The following MTCL1 variants were observed in gnomAD, a reference collection of about 807,000 sequenced individuals.
The protein encoded by MTCL1 is microtubule cross-linking factor 1.
Under a neutral mutation model 141.4 loss-of-function variants are expected in MTCL1, and 79 were observed. The observed-to-expected ratio is 0.56, with a 90% CI of 0.47 to 0.67. MTCL1 has a LOEUF of 0.67. Ranked by LOEUF, MTCL1 falls within the 30% of genes least tolerant of loss-of-function variation. MTCL1 has a pLI of 0.00. For missense variants in MTCL1, 2,177 were observed against 2,113.9 expected, an observed-to-expected ratio of 1.03 and a Z score of -0.59; for synonymous variants, 914 against 875.8, an observed-to-expected ratio of 1.04 and a Z score of -0.77.
chr18:8,808,807 G>A (rs2076386748), intron 11 of MTCL1, among the ~76,000 whole-genome samples: 1 of 152,156 alleles, frequency 6.6e-6, no homozygotes, highest in South Asian at 2.1e-4. Context: ...TTCCTTGAAG[G>A]GGTTCTCAGT....
chr18:8,795,006 C>T (rs183525763), intron 8 of MTCL1, among the ~76,000 whole-genome samples: 50 of 152,320 alleles, frequency 3.3e-4, no homozygotes, highest in African/African-American at 1.1e-3. Flanking sequence ...GTGTCTGGTA[C>T]GCTAGGCTGC....
At position 8,705,882 on chromosome 18, in the gene MTCL1, C is replaced by G; in HGVS notation, c.222C>G (p.Ala74=). 2.7e-6 allele frequency: 3 copies of G among 1,116,110 alleles called. No individual in the cohort carries two copies. Among genetic ancestry groups the G allele is most frequent in the Non-Finnish European group, 3.3e-6 (3 of 913,920 alleles). 69.1% of individuals were successfully genotyped at this position (1,116,110 alleles called of 1,614,324 possible). A position where few individuals can be genotyped will look rare whatever the true frequency, so the allele number is the denominator to read the frequency against. Reference sequence around the variant, plus strand: ...CGGGCCGAGCCCCGGCTCCCGCCGCCCCGCGCTCGCCCAACCTCGCGGGCA... The same window carrying G: ...CGGGCCGAGCCCCGGCTCCCGCCGCGCCGCGCTCGCCCAACCTCGCGGGCA... The change falls in exon 1 of 14, where the codon GCC becomes GCG. Residue 74 remains alanine (A), a synonymous_variant. Transcript: ENST00000306329. The surrounding 1 kb of genome is among the most constrained non-coding windows in gnomAD (Gnocchi z 5.2).
chr18:8,734,005 G>A (rs1163687914), intron 4 of MTCL1, among the ~76,000 whole-genome samples: 2 of 152,140 alleles, frequency 1.3e-5, no homozygotes, highest in African/African-American at 2.4e-5. Context: ...GGTCACCTAA[G>A]TAATAAGGCC....
At chr18:8,706,826 T>C (rs2096060561) in intron 1 of MTCL1, 113 bp downstream of exon 1, 3 of 1,467,202 alleles carry the variant, frequency 2.0e-6, no homozygotes, top group South Asian at 1.3e-5. Context: ...TCCCTCCTGC[T>C]CTCCACGGTC....
At chr18:8,739,787 A>G (rs949249589) in intron 4 of MTCL1, among the ~76,000 whole-genome samples, 2 of 152,160 alleles carry the variant, frequency 1.3e-5, no homozygotes, top group African/African-American at 4.8e-5. Flanking sequence ...GCTGGAGTGC[A>G]GTGGCCTGAT....
intron 4 of MTCL1, among the ~76,000 whole-genome samples, chr18:8,720,795 T>TTGGGCCCTGGTCTAAA (rs769420709): frequency 2.4e-4 from 37 of 152,252 alleles, no homozygotes; most frequent in Admixed American, 9.8e-4. Context: ...AAAACGCTTA[T>TTGGGCCCTGGTCTAAA]TGGGCCCTGG....
In MTCL1 at chr18:8,828,917, G is replaced by A. The variant is rs775460671; in HGVS notation, c.4732G>A (p.Val1578Ile). Residue 1578 changes from valine to isoleucine, a missense_variant, in exon 16 of 17, where the codon GTC becomes ATC. Coordinates refer to ENST00000359865, the Ensembl canonical transcript of MTCL1. This position sits in a 1 kb window ranked among gnomAD's most constrained non-coding sequence, Gnocchi z 5.2. ...TGTCTGTTCTGTCCAGAACCAAACT[G>A]TCTTGCTAACTGCCCCCTGGGGACT... The A allele has an allele frequency of 1.2e-6, 2 of 1,614,214 alleles. No individual in the cohort carries two copies. The highest frequency in any genetic ancestry group is 2.2e-5 in the East Asian group (1 of 44,884).
chr18:8,756,433 A>G (rs1020290346), intron 4 of MTCL1, among the ~76,000 whole-genome samples: 44 of 138,102 alleles, frequency 3.2e-4, no homozygotes, highest in South Asian at 2.1e-3. Flanking sequence ...ATGTGTATAT[A>G]TGTATATATG....
rs79801813 is a variant in MTCL1, at chr18:8,804,708, A to G, written c.2437-2185A>G. On this transcript the variant is annotated intron_variant, in intron 10 of 16. Coordinates refer to ENST00000359865, the Ensembl canonical transcript of MTCL1. The stretch of plus-strand genomic sequence containing the variant: ...GGCCTTTCTACTCCATCAAAAGTCC[A>G]TTGTAGCTGGGCACGGTGGCTCATG... Among the ~76,000 whole-genome samples, 767 of 152,362 alleles carry G rather than the reference A, an allele frequency of 5.0e-3. 5 individuals carry two copies. Among genetic ancestry groups the G allele is most frequent in the South Asian group, 0.016 (78 of 4,826 alleles).
intron 8 of MTCL1, 95 bp downstream of exon 7, chr18:8,793,215 T>TACGCAACAGAC: frequency 6.5e-7 from 1 of 1,543,674 alleles, no homozygotes; most frequent in Non-Finnish European, 8.8e-7. Flanking sequence ...AGGCTGTCTG[T>TACGCAACAGAC]TGCGTACAGG....
intron 4 of MTCL1, among the ~76,000 whole-genome samples, chr18:8,726,742 A>G (rs2096218039): frequency 6.6e-6 from 1 of 152,124 alleles, no homozygotes; most frequent in South Asian, 2.1e-4. Context: ...TCTCCAGTAA[A>G]TCCTTGAGAG....
exon 6 of MTCL1, chr18:8,784,358 A>G: frequency 6.5e-7 from 1 of 1,535,888 alleles, no homozygotes. Context: ...TGGCGGGGAG[A>G]GTGACTCGGA....
intron 16 of MTCL1, chr18:8,829,179 A>T: frequency 2.0e-6 from 2 of 985,458 alleles, no homozygotes; most frequent in South Asian, 9.4e-5. Flanking sequence ...AATGCAAAGA[A>T]GGGTTTTTAG....
In MTCL1 at chr18:8,720,498, TAATCCAA is replaced by T. The variant is rs761332317; in HGVS notation, c.357+5_357+11del. 80 of 1,613,466 alleles carry T rather than the reference TAATCCAA, an allele frequency of 5.0e-5. No homozygotes were observed. The South Asian group carries it at 8.6e-4, about 17-fold the overall frequency. Reference sequence around the variant, plus strand: ...AATGAGCTGGAGAGACTGAAAGAGGTAATCCAAAACTGTGGGGGTCCTGCCCCCTTGG... The same window carrying T: ...AATGAGCTGGAGAGACTGAAAGAGGTAACTGTGGGGGTCCTGCCCCCTTGG... On this transcript the variant is annotated splice_donor_5th_base_variant and intron_variant, in intron 4 of 16. Coordinates refer to ENST00000359865, the Ensembl canonical transcript of MTCL1.
intron 4 of MTCL1, among the ~76,000 whole-genome samples, chr18:8,765,648 C>T (rs1352094775): frequency 6.6e-6 from 1 of 152,230 alleles, no homozygotes; most frequent in East Asian, 1.9e-4. Context: ...GCAAGCCACT[C>T]CTCCCATGCT....
chr18:8,735,817 C>T (rs372714911), intron 4 of MTCL1, among the ~76,000 whole-genome samples: 25 of 152,260 alleles, frequency 1.6e-4, no homozygotes, highest in African/African-American at 5.1e-4. Flanking sequence ...GAGTAGGTGG[C>T]GTGCCCCCGG....
intron 13 of MTCL1, among the ~76,000 whole-genome samples, chr18:8,819,674 C>T (rs943942518): frequency 6.6e-6 from 1 of 152,114 alleles, no homozygotes; most frequent in Non-Finnish European, 1.5e-5. Context: ...CTGATAACGA[C>T]TCACCACAGC....
At chr18:8,706,186 C>G in exon 1 of MTCL1, 31 of 1,224,698 alleles carry the variant, frequency 2.5e-5, no homozygotes, top group Non-Finnish European at 3.2e-5. Context: ...CACCGTCGGC[C>G]CCCCGACCCC....
At chr18:8,743,257 G>A (rs755078506) in intron 4 of MTCL1, among the ~76,000 whole-genome samples, 1 of 152,076 alleles carries the variant, frequency 6.6e-6, no homozygotes, top group Non-Finnish European at 1.5e-5. Context: ...TATAACATAC[G>A]TAAATGAATT....
Sources: gnomAD v4.1 joint callset for allele counts (sites outside exome capture counted in the v4.1 genomes callset) on GRCh38, gnomAD v4.1.1 for gene constraint, Gnocchi (gnomAD v3.1) non-coding constraint, MANE v1.5 for transcripts, NCBI Gene and HGNC (gene_info 2026-07-23, HGNC 2026-07-21) for gene names.